THBS2: variants seen among roughly 807,000 people sequenced by gnomAD.
The protein encoded by THBS2 is thrombospondin 2.
THBS2 carries 47 observed loss-of-function variants against 135.2 expected under a neutral mutation model. The ratio of observed to expected loss-of-function variants is 0.35; its 90% CI spans 0.28 to 0.44. THBS2 has a LOEUF of 0.44. THBS2 is among the 20% of genes least tolerant of loss of function. The pLI, the probability that THBS2 is intolerant of heterozygous loss-of-function variation, is 1.00. For synonymous variants in THBS2, 639 were observed against 633.8 expected (o/e 1.01, Z -0.12); for missense variants, 1,288 against 1,603.1 (o/e 0.80, Z 3.36).
chr6:169,232,970 A>C lies in THBS2; in HGVS notation c.1699T>G (p.Phe567Val), dbSNP rs1234130093. 6.4e-7 allele frequency: 1 copy of C among 1,556,548 alleles called. No homozygotes were observed. Among genetic ancestry groups the C allele is most frequent in the African/African-American group, 1.4e-5 (1 of 73,874 alleles). ...PCFPGAQCSS[F>V]PDGSWSCGSC... Reference sequence around the variant, plus strand: ...CCGCATGACCAGGACCCATCGGGGAAGCTGCTGCACTGGGCTCCCGGGAAG... The same window carrying C: ...CCGCATGACCAGGACCCATCGGGGACGCTGCTGCACTGGGCTCCCGGGAAG... Residue 567 changes from phenylalanine (F) to valine (V), a missense_variant, in exon 11 of 22, where the codon TTC (phenylalanine) becomes GTC (valine). Phe to Val is a conservative substitution (Grantham distance 50). Transcript: ENST00000617924.
intron 10 of THBS2, among the ~76,000 whole-genome samples, chr6:169,233,884 A>ATG (rs1779941573): frequency 6.8e-6 from 1 of 146,440 alleles, no homozygotes; most frequent in Non-Finnish European, 1.5e-5. Context: ...AACTACCTAC[A>ATG]TGCCACATTC....
chr6:169,218,515 T>G, intron 21 of THBS2, among the ~76,000 whole-genome samples: 1 of 114,046 alleles, frequency 8.8e-6, no homozygotes, highest in Non-Finnish European at 1.7e-5. Context: ...GATGGATGGA[T>G]GAGATGGATG....
At chr6:169,246,145 T>C (rs1780547298) in intron 4 of THBS2, 52 bp downstream of exon 4, 8 of 1,486,276 alleles carry the variant, frequency 5.4e-6, no homozygotes, top group Admixed American at 1.7e-5. Context: ...CATGTCACAA[T>C]AGAAATCCAT....
chr6:169,219,881 T>G, intron 21 of THBS2: 1 of 570,504 alleles, frequency 1.8e-6, no homozygotes, highest in Non-Finnish European at 3.4e-6. Context: ...AGGGTACCAA[T>G]CTAAAATGGC....
In THBS2 at chr6:169,221,409, G is replaced by T. The variant is rs142840599; in HGVS notation, c.3371+21C>A. ...TGGGAAGCCCCTTGGAAGAAATGCA[G>T]CTGTGCTGACCTGCCCTCACCTGAT... On this transcript the variant is annotated intron_variant, in intron 20 of 21. Coordinates refer to ENST00000617924, the MANE Select transcript of THBS2 (RefSeq NM_003247.5). 2,410 of 1,609,616 alleles carry T rather than the reference G, an allele frequency of 1.5e-3. 33 individuals are homozygous for T. The African/African-American group carries it at 0.029, about 19-fold the overall frequency.
Position 169,225,335 on chromosome 6 carries a change from G to A in THBS2, c.2583C>T (p.Asn861=), listed in dbSNP as rs376064660. The change falls in exon 17 of 22, where the codon AAC becomes AAT. Residue 861 remains asparagine, a synonymous_variant. Transcript: ENST00000617924. ...GGTGGCCGTCGTCATCTATGTCCTC[G>A]TTGTTGTCACACTGGTCCCCAACAA... ...NDLVGDQCDN[N]EDIDDDGHQN... is the part of the protein sequence containing the mutation. 4.3e-4 allele frequency: 666 copies of A among 1,565,680 alleles called. No homozygotes were observed. The highest frequency in any genetic ancestry group is 5.3e-4 in the Non-Finnish European group (612 of 1,154,822).
Position 169,248,888 on chromosome 6 carries a change from G to C in THBS2, c.138C>G (p.Arg46=), listed in dbSNP as rs779026599. ...NRKTIGAKQF[R]GPDPGVPAYR... ...AAGCCGGCACGCCGGGGTCGGGCCC[G>C]CGGAACTGCTTGGCGCCAATGGTCT... Residue 46 remains arginine (R), a synonymous_variant, in exon 3 of 22, where the codon CGC becomes CGG. Transcript: ENST00000617924. 6.2e-7 allele frequency: 1 copy of C among 1,613,230 alleles called. No individual in the cohort carries two copies. The highest frequency in any genetic ancestry group is 1.7e-5 in the Admixed American group (1 of 60,020).
chr6:169,232,649 G>T lies in THBS2; in HGVS notation c.1932+15C>A. 1 of 1,585,138 alleles carries T rather than the reference G, an allele frequency of 6.3e-7. No homozygotes were observed. The highest frequency in any genetic ancestry group is 8.6e-7 in the Non-Finnish European group (1 of 1,166,286). On this transcript the variant is annotated intron_variant, in intron 12 of 21. Coordinates refer to ENST00000617924, the MANE Select transcript of THBS2 (RefSeq NM_003247.5). ...AAGCCGCTCGCAACACACAAGGAAG[G>T]CCGGCCTTGCGTACTTGCTTTTCCG...
intron 3 of THBS2, 150 bp downstream of exon 3, chr6:169,248,267 A>ATG: frequency 1.1e-6 from 1 of 932,338 alleles, no homozygotes; most frequent in Non-Finnish European, 1.6e-6. Context: ...GTGTGCACGC[A>ATG]TGTGTGTGAG....
chr6:169,245,926 C>G, intron 4 of THBS2: 1 of 305,044 alleles, frequency 3.3e-6, no homozygotes, highest in Middle Eastern at 9.8e-4. Flanking sequence ...AAAGCACCAG[C>G]TATTTATATT....
chr6:169,215,936 A>C lies in THBS2; in HGVS notation c.*1886T>G, dbSNP rs1212855807. The stretch of plus-strand genomic sequence containing the variant: ...TGGCAAAACACATGACGTTTCATCA[A>C]CCTATACGATAAATTTGTTTAGAAA... On this transcript the variant is annotated 3_prime_UTR_variant, in exon 22 of 22. Transcript: ENST00000617924. 6.6e-6 allele frequency: 1 copy of C among 152,598 alleles called. No homozygotes were observed. Among genetic ancestry groups the C allele is most frequent in the Non-Finnish European group, 1.5e-5 (1 of 68,048 alleles). 9.5% of individuals were successfully genotyped at this position (152,598 alleles called of 1,614,324 possible). A position where few individuals can be genotyped will look rare whatever the true frequency, so the allele number is the denominator to read the frequency against.
intron 4 of THBS2, among the ~76,000 whole-genome samples, chr6:169,244,505 C>T (rs1369309315): frequency 2.0e-5 from 3 of 151,498 alleles, no homozygotes; most frequent in Non-Finnish European, 2.9e-5. Context: ...AGGAACACCG[C>T]GAAGGGTATA....
chr6:169,241,654 C>T lies in THBS2; in HGVS notation c.891+108G>A, dbSNP rs185121360. On this transcript the variant is annotated intron_variant, in intron 5 of 21. Coordinates refer to ENST00000617924, the MANE Select transcript of THBS2 (RefSeq NM_003247.5). The surrounding 1 kb of genome is among the most constrained non-coding windows in gnomAD (Gnocchi z 5.5). ...CCCTGTGAACTGTGGGTTTTTACAT[C>T]GAGCATGAGGCACTGCCAAGCCAGG... The T allele has an allele frequency of 2.1e-5, 25 of 1,171,486 alleles. No homozygotes were observed. The highest frequency in any genetic ancestry group is 1.5e-4 in the African/African-American group (10 of 65,730). The allele number at this position is 1,171,486 out of a possible 1,614,324, so 72.6% of individuals were successfully genotyped here. A position where few individuals can be genotyped will look rare whatever the true frequency, so the allele number is the denominator to read the frequency against.
Position 169,239,626 on chromosome 6 carries a change from C to A in THBS2, c.1102G>T (p.Gly368Cys). The change falls in exon 7 of 22, where the codon GGC becomes TGC. Residue 368 changes from glycine to cysteine, a missense_variant. Physicochemically the swap from Gly to Cys is radical, Grantham distance 159. Coordinates refer to ENST00000617924, the MANE Select transcript of THBS2 (RefSeq NM_003247.5). ...TGGAGGCAGGAAGGGCAGCATTCGC[C>A]TTCCACAAAGGATGGACTGGCGCAG... ...ATCASPSFVE[G>C]ECCPSCLHSV... 1 of 1,605,858 alleles carries A rather than the reference C, an allele frequency of 6.2e-7. No individual in the cohort carries two copies.
intron 4 of THBS2, 76 bp from the exon 5 acceptor site, chr6:169,242,034 A>G: frequency 2.7e-6 from 4 of 1,499,470 alleles, no homozygotes; most frequent in Non-Finnish European, 2.7e-6. Flanking sequence ...CAGAGGGAGG[A>G]TGACCCGCCC....
intron 14 of THBS2, 143 bp from the exon 15 acceptor site, chr6:169,228,424 G>T: frequency 9.7e-7 from 1 of 1,033,324 alleles, no homozygotes; most frequent in Non-Finnish European, 1.4e-6. Context: ...AGGGCTGGAC[G>T]GTGGCTCACA....
At chr6:169,221,087 T>G (rs1389327264) in intron 20 of THBS2, among the ~76,000 whole-genome samples, 1 of 152,234 alleles carries the variant, frequency 6.6e-6, no homozygotes, top group Non-Finnish European at 1.5e-5. Flanking sequence ...GCCATTTATA[T>G]CAGGTACAAA....
chr6:169,232,966 G>A lies in THBS2; in HGVS notation c.1703C>T (p.Pro568Leu), dbSNP rs764848194. Residue 568 changes from proline (P) to leucine (L), a missense_variant, in exon 11 of 22, where the codon CCC becomes CTC. By Grantham distance (98) the Pro-to-Leu change is moderately conservative. Around this residue, in one of 2 missense-constraint regions of THBS2, gnomAD observed 874 missense variants for 1,156.1 expected, o/e 0.76. Coordinates refer to ENST00000617924, the MANE Select transcript of THBS2 (RefSeq NM_003247.5). ...GGAGCCGCATGACCAGGACCCATCG[G>A]GGAAGCTGCTGCACTGGGCTCCCGG... ...CFPGAQCSSF[P>L]DGSWSCGSCP... 51 of 1,558,356 alleles carry A rather than the reference G, an allele frequency of 3.3e-5. No homozygotes were observed. The South Asian group carries it at 5.4e-4, about 17-fold the overall frequency.
At chr6:169,219,370 GA>G (rs1779335735) in intron 21 of THBS2, among the ~76,000 whole-genome samples, 1 of 136,932 alleles carries the variant, frequency 7.3e-6, no homozygotes, top group African/African-American at 2.8e-5. Flanking sequence ...GTGAATGGAT[GA>G]GATGGGTGGA....
Sources: allele counts gnomAD v4.1 joint callset (sites outside exome capture counted in the v4.1 genomes callset), GRCh38; gene constraint gnomAD v4.1.1; regional missense constraint gnomAD v4.1.1; non-coding constraint Gnocchi (gnomAD v3.1); transcripts MANE v1.5; gene names NCBI Gene and HGNC (gene_info 2026-07-23, HGNC 2026-07-21).